Variants in LHFPL3 observed in about 807,000 individuals in gnomAD.
LHFPL3 encodes the protein LHFPL tetraspan subfamily member 3, also known as LHFPL tetraspan subfamily member 3 protein.
LHFPL3 carries 5 observed loss-of-function variants against 19.3 expected under a neutral mutation model. The ratio of observed to expected loss-of-function variants is 0.26; its 90% CI spans 0.14 to 0.54. LHFPL3 has a LOEUF of 0.54. LHFPL3 is among the 20% of genes least tolerant of loss of function. The pLI, the probability that LHFPL3 is intolerant of heterozygous loss-of-function variation, is 0.94. For missense variants in LHFPL3, 249 were observed against 307.4 expected, an observed-to-expected ratio of 0.81 and a Z score of 1.42; for synonymous variants, 133 against 126.2, an observed-to-expected ratio of 1.05 and a Z score of -0.36.
At position 104,554,631 on chromosome 7, in the gene LHFPL3, TTAGATAGACAGATAGA is replaced by T. The variant is rs1343121173; in HGVS notation, c.446-182035_446-182020del. ...ACAGAGGCAGAACTAATAGGATAGA[TTAGATAGACAGATAGA>T]TAGATAGATAGATAGATAGATAGAT... On this transcript the variant is annotated intron_variant, in intron 1 of 2. Transcript: ENST00000424859. Among the ~76,000 whole-genome samples the T allele has an allele frequency of 2.8e-3, 394 of 141,920 alleles. 2 individuals carry two copies. Among genetic ancestry groups the T allele is most frequent in the African/African-American group, 9.7e-3 (373 of 38,374 alleles). The allele number at this position is 141,920 out of a possible 152,430, so 93.1% of individuals were successfully genotyped here.
intron 1 of LHFPL3, among the ~76,000 whole-genome samples, chr7:104,708,827 T>G (rs1048539132): frequency 6.6e-6 from 1 of 152,190 alleles, no homozygotes; most frequent in South Asian, 2.1e-4. Context: ...TCATGTTGTT[T>G]CTCATTACAG....
intron 1 of LHFPL3, among the ~76,000 whole-genome samples, chr7:104,562,199 C>T (rs1050006442): frequency 6.6e-5 from 10 of 151,786 alleles, no homozygotes; most frequent in Non-Finnish European, 1.5e-4. Context: ...TTGTGGCGTT[C>T]TCTGTATTTC....
At chr7:104,757,536 A>T (rs2116361811) in intron 2 of LHFPL3, 1 of 152,174 alleles carries the variant, frequency 6.6e-6, no homozygotes, top group African/African-American at 2.4e-5. Flanking sequence ...CTTCATTTAA[A>T]AAAAGACATG....
intron 2 of LHFPL3, among the ~76,000 whole-genome samples, chr7:104,810,985 T>G (rs947471274): frequency 1.3e-5 from 2 of 152,184 alleles, no homozygotes; most frequent in Non-Finnish European, 2.9e-5. Flanking sequence ...GTCCTTCCCT[T>G]ATAGCTTCTC....
rs117434550 is a variant in LHFPL3 at position 104,811,702 on chromosome 7, G to A, written c.682+74791G>A. ...TAGCAATTATTATTATTATGACAGA[G>A]GACATGCTGATGCTAAGCATCAGTC... On this transcript the variant is annotated intron_variant, in intron 2 of 2. Transcript: ENST00000424859. Among the ~76,000 whole-genome samples, 675 of 152,260 alleles carry A rather than the reference G, an allele frequency of 4.4e-3. 1 individual carries two copies. The highest frequency in any genetic ancestry group is 7.3e-3 in the Non-Finnish European group (496 of 68,016).
chr7:104,386,168 C>A (rs1323972588), intron 1 of LHFPL3, among the ~76,000 whole-genome samples: 1 of 152,146 alleles, frequency 6.6e-6, no homozygotes, highest in East Asian at 1.9e-4. Context: ...AAAACAGCAG[C>A]CTAACAGCCA....
chr7:104,822,280 C>G (rs1790689891), intron 2 of LHFPL3, among the ~76,000 whole-genome samples: 1 of 152,176 alleles, frequency 6.6e-6, no homozygotes, highest in South Asian at 2.1e-4. Flanking sequence ...ATACAAATAT[C>G]TAGAAGTGTT....
At chr7:104,397,699 A>G (rs1191198293) in intron 1 of LHFPL3, among the ~76,000 whole-genome samples, 1 of 152,180 alleles carries the variant, frequency 6.6e-6, no homozygotes, top group Non-Finnish European at 1.5e-5. Context: ...CCTCCTGAGT[A>G]TTTATTTACT....
Position 104,336,471 on chromosome 7 carries a change from C to A in LHFPL3, c.445+7247C>A, listed in dbSNP as rs907916534. On this transcript the variant is annotated intron_variant, in intron 1 of 2. Coordinates refer to ENST00000424859, the MANE Select transcript of LHFPL3 (RefSeq NM_199000.3). ...TAGTTTAAATTGTCCTAACTATAAT[C>A]TTGAGTGAGTGCATTTCTCACCTTT... 2.0e-5 allele frequency among the ~76,000 whole-genome samples: 3 copies of A among 150,948 alleles called. No homozygotes were observed. The East Asian group carries it at 5.8e-4, about 29-fold the overall frequency.
chr7:104,618,704 C>T (rs1327837264), intron 1 of LHFPL3, among the ~76,000 whole-genome samples: 2 of 151,868 alleles, frequency 1.3e-5, no homozygotes, highest in African/African-American at 4.8e-5. Context: ...AGGAGAGAAG[C>T]CCTACACTAG....
intron 2 of LHFPL3, among the ~76,000 whole-genome samples, chr7:104,757,382 T>C (rs999318716): frequency 1.3e-5 from 2 of 152,032 alleles, no homozygotes; most frequent in African/African-American, 4.8e-5. Context: ...TAAAGAACTT[T>C]TGCACAGCAA....
intron 1 of LHFPL3, among the ~76,000 whole-genome samples, chr7:104,721,680 C>T (rs1299472576): frequency 6.6e-6 from 1 of 152,010 alleles, no homozygotes; most frequent in Non-Finnish European, 1.5e-5. Flanking sequence ...CCCAGACACT[C>T]ATCAGGTAAC....
intron 1 of LHFPL3, among the ~76,000 whole-genome samples, chr7:104,666,603 G>C (rs1792356081): frequency 8.1e-6 from 1 of 123,872 alleles, no homozygotes; most frequent in South Asian, 2.9e-4. Context: ...CTCACTGCAA[G>C]CTCCGCCTCC....
At chr7:104,433,150 T>A (rs1465752631) in intron 1 of LHFPL3, among the ~76,000 whole-genome samples, 1 of 152,198 alleles carries the variant, frequency 6.6e-6, no homozygotes, top group African/African-American at 2.4e-5. Flanking sequence ...TATTCTTTTA[T>A]TTTATTATAT....
rs1297019857 is a variant in LHFPL3 at position 104,427,777 on chromosome 7, C to G, written c.445+98553C>G. Among the ~76,000 whole-genome samples the G allele has an allele frequency of 2.0e-5, 3 of 152,214 alleles. No individual in the cohort carries two copies. In the South Asian group the frequency reaches 6.2e-4, roughly 32 times the overall value. On this transcript the variant is annotated intron_variant, in intron 1 of 2. Transcript: ENST00000424859. ...GAACTCTAGTTCAAATTGAAAACATCTGGTTCTTCAAATACTTAACATTTT... is the reference window on the plus strand; with the variant it reads ...GAACTCTAGTTCAAATTGAAAACATGTGGTTCTTCAAATACTTAACATTTT...
At chr7:104,745,035 T>C (rs1024559662) in intron 2 of LHFPL3, among the ~76,000 whole-genome samples, 3 of 152,232 alleles carry the variant, frequency 2.0e-5, no homozygotes, top group African/African-American at 7.2e-5. Flanking sequence ...GCTTACCCGA[T>C]ACCCTTTTTT....
intron 1 of LHFPL3, among the ~76,000 whole-genome samples, chr7:104,439,634 A>G (rs1792177887): frequency 6.6e-6 from 1 of 152,162 alleles, no homozygotes; most frequent in African/African-American, 2.4e-5. Flanking sequence ...GACCAAAGTC[A>G]ATGTTCATTC....
chr7:104,349,600 ATTAGGAGAAATACCTAATGTAGAT>A (rs1015069939), intron 1 of LHFPL3, among the ~76,000 whole-genome samples: 1 of 152,262 alleles, frequency 6.6e-6, no homozygotes, highest in African/African-American at 2.4e-5. Flanking sequence ...CATTTATAGC[ATTAGGAGAAATACCTAATGTAGAT>A]GACAGGTTGA....
intron 1 of LHFPL3, among the ~76,000 whole-genome samples, chr7:104,647,221 G>C (rs1486881921): frequency 6.6e-6 from 1 of 152,136 alleles, no homozygotes; most frequent in Admixed American, 6.5e-5. Flanking sequence ...TTCTCTGTCT[G>C]GACCAACTCT....
Sources: gnomAD v4.1 joint callset for allele counts (sites outside exome capture counted in the v4.1 genomes callset) on GRCh38, gnomAD v4.1.1 for gene constraint, MANE v1.5 for transcripts, NCBI Gene and HGNC (gene_info 2026-07-23, HGNC 2026-07-21) for gene names.